Variants in PAICS observed in about 807,000 individuals in gnomAD.
PAICS encodes phosphoribosylaminoimidazole carboxylase and phosphoribosylaminoimidazolesuccinocarboxamide synthase.
Under a neutral mutation model 53.7 loss-of-function variants are expected in PAICS, and 33 were observed. The ratio of observed to expected loss-of-function variants is 0.61; its 90% CI spans 0.47 to 0.82. PAICS has a LOEUF of 0.82. Ranked by LOEUF, PAICS falls within the 40% of genes least tolerant of loss-of-function variation. The pLI is 0.00. For missense variants in PAICS, 394 were observed against 494.1 expected, an observed-to-expected ratio of 0.80 and a Z score of 1.92; for synonymous variants, 141 against 167.2, an observed-to-expected ratio of 0.84 and a Z score of 1.21.
intron 8 of PAICS, among the ~76,000 whole-genome samples, chr4:56,458,494 C>G (rs556193079): frequency 6.6e-6 from 1 of 152,154 alleles, no homozygotes; most frequent in African/African-American, 2.4e-5. Context: ...CATCAGGTAG[C>G]TACTAGTTAA....
At chr4:56,440,817 T>TA (rs1197391852) in intron 1 of PAICS, among the ~76,000 whole-genome samples, 27 of 152,354 alleles carry the variant, frequency 1.8e-4, no homozygotes, top group African/African-American at 6.0e-4. Context: ...GGCACATGGA[T>TA]ACACCGGGAA....
chr4:56,432,302 T>A (rs375846812), upstream of PAICS, among the ~76,000 whole-genome samples: 96 of 151,806 alleles, frequency 6.3e-4, 1 homozygote, highest in African/African-American at 2.2e-3. Flanking sequence ...CCGAAGAGGG[T>A]GGATCACTTG....
upstream of PAICS, among the ~76,000 whole-genome samples, chr4:56,431,236 T>C (rs1253320131): frequency 6.6e-6 from 1 of 152,176 alleles, no homozygotes. Context: ...AAAATCAAAA[T>C]TAAGTAAGAT....
rs1456887604 is a variant in PAICS, at chr4:56,461,164, GTTCT to G, written c.*1631_*1634del. On this transcript the variant is annotated 3_prime_UTR_variant, in exon 9 of 9. Transcript: ENST00000512576. ...TCTGTAACCACAGTGACTACAAGTA[GTTCT>G]TTCTCTATTGAATTATTAGGTCCAG... 3 of 152,196 alleles carry G rather than the reference GTTCT, an allele frequency of 2.0e-5. No homozygotes were observed. The highest frequency in any genetic ancestry group is 4.4e-5 in the Non-Finnish European group (3 of 68,032). 9.4% of individuals were successfully genotyped at this position (152,196 alleles called of 1,614,324 possible).
chr4:56,415,470 A>C, the PAICS span, among the ~76,000 whole-genome samples: 1 of 152,242 alleles, frequency 6.6e-6, no homozygotes, highest in African/African-American at 2.4e-5. Context: ...CCTATATAAA[A>C]GCATCCAAAC....
chr4:56,417,469 C>T, the PAICS span, among the ~76,000 whole-genome samples: 5 of 151,998 alleles, frequency 3.3e-5, no homozygotes, highest in African/African-American at 7.3e-5. Context: ...TATTACTGAA[C>T]CATTAATTGT....
chr4:56,423,031 G>T, the PAICS span: 2 of 152,156 alleles, frequency 1.3e-5, no homozygotes, highest in African/African-American at 4.8e-5. Context: ...AGGGTTTGGA[G>T]GTGAGATTTT....
intron 1 of PAICS, among the ~76,000 whole-genome samples, chr4:56,438,343 A>T (rs1205750976): frequency 1.4e-5 from 2 of 147,784 alleles, no homozygotes; most frequent in Non-Finnish European, 3.0e-5. Context: ...TAAAAAGTAA[A>T]ATAATAAAAA....
intron 8 of PAICS, among the ~76,000 whole-genome samples, chr4:56,458,282 CTT>C (rs35249885): frequency 2.0e-4 from 29 of 146,812 alleles, no homozygotes; most frequent in South Asian, 1.9e-3. Context: ...CACTAGATAA[CTT>C]TTTTTTTTTT....
chr4:56,463,106 C>T lies in PAICS; in HGVS notation c.*3568C>T, dbSNP rs1420431521. On this transcript the variant is annotated 3_prime_UTR_variant, in exon 9 of 9. Coordinates refer to ENST00000512576, the MANE Select transcript of PAICS (RefSeq NM_001079524.2). ...AGTGTGATGTGCCACGGAGCATCCA[C>T]AACCTGCCATTTCAGCCCAGCCAAC... is the stretch of plus-strand genomic sequence containing the variant. The T allele has an allele frequency of 6.6e-6, 1 of 152,134 alleles. No individual in the cohort carries two copies. The highest frequency in any genetic ancestry group is 1.5e-5 in the Non-Finnish European group (1 of 68,022). The allele number at this position is 152,134 out of a possible 1,614,324, so 9.4% of individuals were successfully genotyped here.
the PAICS span, among the ~76,000 whole-genome samples, chr4:56,419,273 A>G: frequency 6.6e-6 from 1 of 152,264 alleles, no homozygotes. Context: ...ACTGTTTTCT[A>G]TAGTAAATGC....
the PAICS span, among the ~76,000 whole-genome samples, chr4:56,427,321 T>A: frequency 6.6e-6 from 1 of 152,220 alleles, no homozygotes. Context: ...CCACAGCATG[T>A]ATATGTTTTT....
At position 56,459,680 on chromosome 4, in the gene PAICS, A is replaced by G; in HGVS notation, c.*142A>G. Reference sequence around the variant, plus strand: ...AGTGAATAAATGCTTCTCTAGATCCATATTAATAAACATGAGCATCTAACC... The same window carrying G: ...AGTGAATAAATGCTTCTCTAGATCCGTATTAATAAACATGAGCATCTAACC... On this transcript the variant is annotated 3_prime_UTR_variant, in exon 9 of 9. Coordinates refer to ENST00000512576, the MANE Select transcript of PAICS (RefSeq NM_001079524.2). 1 of 613,952 alleles carries G rather than the reference A, an allele frequency of 1.6e-6. No homozygotes were observed. Among genetic ancestry groups the G allele is most frequent in the Non-Finnish European group, 2.8e-6 (1 of 358,660 alleles). 38.0% of individuals were successfully genotyped at this position (613,952 alleles called of 1,614,324 possible). A position where few individuals can be genotyped will look rare whatever the true frequency, so the allele number is the denominator to read the frequency against.
At chr4:56,434,879 G>A (rs1015158956), upstream of PAICS, among the ~76,000 whole-genome samples, 17 of 152,328 alleles carry the variant, frequency 1.1e-4, no homozygotes, top group African/African-American at 4.1e-4. Context: ...CTCTGCCCTT[G>A]CAAACAAAAG....
chr4:56,417,833 T>C, the PAICS span, among the ~76,000 whole-genome samples: 1 of 115,418 alleles, frequency 8.7e-6, no homozygotes, highest in East Asian at 2.5e-4. Context: ...TTTGAAGATT[T>C]GGTTTTTTGT....
chr4:56,451,272 G>A (rs1294372234), intron 6 of PAICS: 1 of 152,812 alleles, frequency 6.5e-6, no homozygotes, highest in African/African-American at 2.4e-5. Flanking sequence ...CTACCCCGTA[G>A]GAGAAACCTT....
chr4:56,435,973 G>C (rs766801836), upstream of PAICS: 13 of 1,514,588 alleles, frequency 8.6e-6, no homozygotes, highest in African/African-American at 1.4e-4. Context: ...AGAAGGGGCC[G>C]GGGTATGCGA....
chr4:56,412,887 A>G, the PAICS span, among the ~76,000 whole-genome samples: 8 of 152,204 alleles, frequency 5.3e-5, no homozygotes, highest in Non-Finnish European at 8.8e-5. Flanking sequence ...TTAAATTATA[A>G]AATTATAAGC....
chr4:56,441,765 C>G lies in PAICS; in HGVS notation c.119C>G (p.Thr40Arg). 3.1e-6 allele frequency: 5 copies of G among 1,604,976 alleles called. No individual in the cohort carries two copies. Among genetic ancestry groups the G allele is most frequent in the Non-Finnish European group, 4.3e-6 (5 of 1,175,118 alleles). ...KVLLQSKDQITAGNAARKNHL... is the reference protein window; with the variant it reads ...KVLLQSKDQIRAGNAARKNHL... ...CTCCTGCAGTCCAAGGACCAGATTACAGCAGGAAATGCAGCTAGAAAAAAC... is the reference window on the plus strand; with the variant it reads ...CTCCTGCAGTCCAAGGACCAGATTAGAGCAGGAAATGCAGCTAGAAAAAAC... The change falls in exon 2 of 9, where the codon ACA (threonine) becomes AGA (arginine). Residue 40 changes from threonine (T) to arginine (R), a missense_variant. By Grantham distance (71) the Thr-to-Arg change is moderately conservative. Around this residue, in one of 3 missense-constraint regions of PAICS, gnomAD observed 168 missense variants for 199.3 expected, o/e 0.84. Transcript: ENST00000512576.
Sources: gnomAD v4.1 joint callset for allele counts (sites outside exome capture counted in the v4.1 genomes callset) on GRCh38, gnomAD v4.1.1 for gene constraint, gnomAD v4.1.1 regional missense constraint, MANE v1.5 for transcripts, NCBI Gene and HGNC (gene_info 2026-07-23, HGNC 2026-07-21) for gene names.